Variants in NMNAT2 observed in about 807,000 individuals in gnomAD.
NMNAT2 encodes the protein nicotinamide nucleotide adenylyltransferase 2, also known as nicotinamide/nicotinic acid mononucleotide adenylyltransferase 2.
In NMNAT2, 11 loss-of-function variants were observed where a neutral mutation model predicts 41.6. The observed-to-expected ratio is 0.26, with a 90% CI of 0.17 to 0.44. NMNAT2 has a LOEUF of 0.44. NMNAT2 is among the 20% of genes least tolerant of loss of function. NMNAT2 has a pLI of 1.00. For synonymous variants in NMNAT2, 148 were observed against 151.2 expected (o/e 0.98, Z 0.16); for missense variants, 288 against 407.7 (o/e 0.71, Z 2.53).
chr1:183,328,974 T>G (rs1662523992), intron 1 of NMNAT2, among the ~76,000 whole-genome samples: 1 of 148,110 alleles, frequency 6.8e-6, no homozygotes, highest in Non-Finnish European at 1.5e-5. Flanking sequence ...TGTGCAGAGG[T>G]AGCAGAGGTA....
intron 1 of NMNAT2, among the ~76,000 whole-genome samples, chr1:183,355,812 T>C (rs1021188388): frequency 6.6e-6 from 1 of 152,214 alleles, no homozygotes; most frequent in Non-Finnish European, 1.5e-5. Context: ...TTCAAACCCA[T>C]GGAGGCTCTG....
chr1:183,406,344 T>A (rs2101929424), intron 1 of NMNAT2, among the ~76,000 whole-genome samples: 1 of 152,296 alleles, frequency 6.6e-6, no homozygotes, highest in African/African-American at 2.4e-5. Flanking sequence ...TCTCCACCTA[T>A]TTGAATGTCT....
At chr1:183,284,430 A>G (rs1488687868) in intron 6 of NMNAT2, among the ~76,000 whole-genome samples, 2 of 152,180 alleles carry the variant, frequency 1.3e-5, no homozygotes, top group Admixed American at 6.5e-5. Flanking sequence ...CTCCTTAGGG[A>G]TTACCTGGTT....
intron 1 of NMNAT2, among the ~76,000 whole-genome samples, chr1:183,341,513 A>T (rs2102345379): frequency 9.0e-6 from 1 of 111,502 alleles, no homozygotes; most frequent in South Asian, 3.3e-4. Flanking sequence ...CCCTGTCTCT[A>T]CAAAAAATGC....
At chr1:183,287,806 C>A (rs1661435738) in intron 4 of NMNAT2, among the ~76,000 whole-genome samples, 1 of 152,250 alleles carries the variant, frequency 6.6e-6, no homozygotes, top group Non-Finnish European at 1.5e-5. Flanking sequence ...AGGGGACCCC[C>A]AGGCCCAAGG....
At chr1:183,254,559 T>A (rs1345410374) in intron 10 of NMNAT2, among the ~76,000 whole-genome samples, 1 of 152,046 alleles carries the variant, frequency 6.6e-6, no homozygotes, top group African/African-American at 2.4e-5. Context: ...TGCCTCAGCC[T>A]CTCAAGCAGC....
At chr1:183,257,049 G>T (rs1447152478) in intron 10 of NMNAT2, among the ~76,000 whole-genome samples, 2 of 152,124 alleles carry the variant, frequency 1.3e-5, no homozygotes, top group Non-Finnish European at 2.9e-5. Context: ...ACTGTGCCTG[G>T]CCTCTTTGGT....
At chr1:183,284,379 C>T (rs1222108261) in intron 6 of NMNAT2, among the ~76,000 whole-genome samples, 1 of 152,210 alleles carries the variant, frequency 6.6e-6, no homozygotes, top group Non-Finnish European at 1.5e-5. Context: ...ATCCTTACAA[C>T]CTAGGGAGAT....
chr1:183,264,233 G>C (rs1340830191), intron 8 of NMNAT2, among the ~76,000 whole-genome samples: 1 of 152,052 alleles, frequency 6.6e-6, no homozygotes, highest in Non-Finnish European at 1.5e-5. Flanking sequence ...TTTAAACCAT[G>C]AAAATAATGG....
chr1:183,267,536 A>G (rs527706996), intron 8 of NMNAT2, among the ~76,000 whole-genome samples: 37 of 152,246 alleles, frequency 2.4e-4, no homozygotes, highest in Non-Finnish European at 4.9e-4. Flanking sequence ...TCAAAATGAG[A>G]TACTTGTGGG....
chr1:183,291,806 C>T (rs1661546958), intron 3 of NMNAT2, among the ~76,000 whole-genome samples: 1 of 152,194 alleles, frequency 6.6e-6, no homozygotes, highest in African/African-American at 2.4e-5. Context: ...TTCTCTGGGC[C>T]TGTTTCTCAC....
At chr1:183,309,828 G>T (rs1282354424) in intron 1 of NMNAT2, among the ~76,000 whole-genome samples, 2 of 152,116 alleles carry the variant, frequency 1.3e-5, no homozygotes. Context: ...GCTCTTAAGT[G>T]GGTTATTCAA....
Position 183,286,696 on chromosome 1 carries a change from G to A in NMNAT2, c.414C>T (p.Tyr138=). 6.2e-7 allele frequency: 1 copy of A among 1,612,216 alleles called. No individual in the cohort carries two copies. Among genetic ancestry groups the A allele is most frequent in the Non-Finnish European group, 8.5e-7 (1 of 1,179,238 alleles). Residue 138 remains tyrosine (Y), a synonymous_variant, in exon 5 of 11, where the codon TAC becomes TAT. Coordinates refer to ENST00000287713, the MANE Select transcript of NMNAT2 (RefSeq NM_015039.4). ...GCTTGGTGGCCACGTTGCTGTTCTG[G>A]TAAATGGGCTGGGGGGTCTCGTTTT... The part of the protein sequence containing the change: ...QPQNETPQPI[Y]QNSNVATKPT...
At chr1:183,320,236 A>G (rs1446200483) in intron 1 of NMNAT2, among the ~76,000 whole-genome samples, 2 of 152,234 alleles carry the variant, frequency 1.3e-5, no homozygotes, top group East Asian at 3.8e-4. Flanking sequence ...ACAGAGAAAG[A>G]TAAAGTTTTT....
chr1:183,363,726 A>C (rs1278477722), intron 1 of NMNAT2, among the ~76,000 whole-genome samples: 1 of 152,234 alleles, frequency 6.6e-6, no homozygotes, highest in African/African-American at 2.4e-5. Context: ...TTCCAGCACC[A>C]GTACTCTGTA....
intron 8 of NMNAT2, among the ~76,000 whole-genome samples, chr1:183,278,075 C>A (rs1482110122): frequency 6.6e-6 from 1 of 152,194 alleles, no homozygotes; most frequent in Admixed American, 6.5e-5. Context: ...CCTCCTGGTT[C>A]CCTCAATGCC....
intron 1 of NMNAT2, among the ~76,000 whole-genome samples, chr1:183,394,477 A>G (rs1648575937): frequency 6.6e-6 from 1 of 152,196 alleles, no homozygotes; most frequent in African/African-American, 2.4e-5. Context: ...TCCAACTGCA[A>G]ATTTGATTAT....
intron 1 of NMNAT2, among the ~76,000 whole-genome samples, chr1:183,398,620 A>G (rs181564567): frequency 3.9e-5 from 6 of 152,286 alleles, no homozygotes; most frequent in Non-Finnish European, 8.8e-5. Flanking sequence ...TCTTCTTAGC[A>G]CCACATCACA....
At position 183,251,088 on chromosome 1, in the gene NMNAT2, A is replaced by G. The variant is rs1291989712; in HGVS notation, c.*1553T>C. The G allele has an allele frequency of 6.6e-6, 1 of 152,222 alleles. No individual in the cohort carries two copies. Among genetic ancestry groups the G allele is most frequent in the East Asian group, 1.9e-4 (1 of 5,186 alleles). The allele number at this position is 152,222 out of a possible 1,614,324, so 9.4% of individuals were successfully genotyped here. ...GCATGAGACCCTAGTAACCAGAAGCAAAGCTGGCAAAACTGTCTGCAGGAA... is the reference window on the plus strand; with the variant it reads ...GCATGAGACCCTAGTAACCAGAAGCGAAGCTGGCAAAACTGTCTGCAGGAA... On this transcript the variant is annotated 3_prime_UTR_variant, in exon 11 of 11. Coordinates refer to ENST00000287713, the MANE Select transcript of NMNAT2 (RefSeq NM_015039.4).
Sources: allele counts gnomAD v4.1 joint callset (sites outside exome capture counted in the v4.1 genomes callset), GRCh38; gene constraint gnomAD v4.1.1; transcripts MANE v1.5; gene names NCBI Gene and HGNC (gene_info 2026-07-23, HGNC 2026-07-21).